Variants in PRPF3 observed in about 807,000 individuals in gnomAD.
PRPF3 encodes the protein U4/U6 small nuclear ribonucleoprotein Prp3.
A neutral mutation model predicts 89.2 loss-of-function variants in PRPF3; 3 were observed. That is an observed-to-expected ratio of 0.03 (90% confidence interval 0.02 to 0.09). The LOEUF (loss-of-function observed/expected upper bound fraction) is 0.09. PRPF3 is among the 10% of genes least tolerant of loss of function. PRPF3 has a pLI of 1.00. For missense variants in PRPF3, 463 were observed against 828.8 expected (o/e 0.56, Z 5.42); for synonymous variants, 270 against 289.1 (o/e 0.93, Z 0.67).
rs587630525 is a variant in PRPF3, at chr1:150,344,294, G to A, written c.1526+33G>A. 6.8e-6 allele frequency: 11 copies of A among 1,613,846 alleles called. No individual in the cohort carries two copies. In the East Asian group the frequency reaches 2.0e-4, roughly 29 times the overall value. ...CCATGGGATTGGGTGGAAACCTCGGGCAAGTACCTTTCCCAAACTCTTCTG... is the reference window on the plus strand; with the variant it reads ...CCATGGGATTGGGTGGAAACCTCGGACAAGTACCTTTCCCAAACTCTTCTG... On this transcript the variant is annotated intron_variant, in intron 11 of 15. Transcript: ENST00000324862.
rs1343713888 is a variant in PRPF3, at chr1:150,327,059, CT to C, written c.276+1189del. Among the ~76,000 whole-genome samples the C allele has an allele frequency of 1.3e-3, 167 of 129,108 alleles. 2 individuals carry two copies. The highest frequency in any genetic ancestry group is 4.1e-3 in the Middle Eastern group (1 of 246). The allele number at this position is 129,108 out of a possible 152,430, so 84.7% of individuals were successfully genotyped here. A position where few individuals can be genotyped will look rare whatever the true frequency, so the allele number is the denominator to read the frequency against. On this transcript the variant is annotated intron_variant, in intron 3 of 15. Coordinates refer to ENST00000324862, the MANE Select transcript of PRPF3 (RefSeq NM_004698.4). ...GATTATGTCACGATAGGGCATACTT[CT>C]TTTTTTTTTTCCTTTTTTTTTTTCT...
At chr1:150,349,104 T>G in intron 14 of PRPF3, 53 bp from the exon 15 acceptor site, 1 of 1,407,444 alleles carries the variant, frequency 7.1e-7, no homozygotes. Context: ...TGAATATTAT[T>G]TGTTTAGAAC....
chr1:150,322,378 CTG>C (rs1445920480), intron 1 of PRPF3, among the ~76,000 whole-genome samples: 1 of 152,212 alleles, frequency 6.6e-6, no homozygotes, highest in South Asian at 2.1e-4. Flanking sequence ...AGATGGTAAA[CTG>C]TGGCTCCAAA....
chr1:150,343,279 C>CT (rs781874142), intron 9 of PRPF3, 30 bp from the exon 10 acceptor site: 1 of 1,493,964 alleles, frequency 6.7e-7, no homozygotes, highest in Non-Finnish European at 9.2e-7. Flanking sequence ...ATTCTTACTG[C>CT]TTTGGTATAC....
chr1:150,334,031 G>A (rs1301083900), intron 6 of PRPF3, among the ~76,000 whole-genome samples: 12 of 152,046 alleles, frequency 7.9e-5, no homozygotes, highest in South Asian at 2.1e-4. Flanking sequence ...TTGGCAGGGC[G>A]CGGTGGCTCA....
At chr1:150,325,167 T>C in intron 2 of PRPF3, 80 bp downstream of exon 2, 1 of 1,523,452 alleles carries the variant, frequency 6.6e-7, no homozygotes, top group Non-Finnish European at 9.0e-7. Flanking sequence ...AAATTCTCTC[T>C]GTTGGGAACA....
chr1:150,325,688 G>C, intron 2 of PRPF3, 63 bp from the exon 3 acceptor site: 1 of 1,583,148 alleles, frequency 6.3e-7, no homozygotes, highest in African/African-American at 1.3e-5. Context: ...ACCTGTTATA[G>C]GCCTAGTATT....
Position 150,343,416 on chromosome 1 carries a change from G to T in PRPF3, c.1390G>T (p.Val464Phe). ...AGCACAGAAGGAACTACAAGAAAAA[G>T]TCAGGCTGGGCCTGATGCCTCCTCC... ...REAQKELQEK[V>F]RLGLMPPPEP... The change falls in exon 10 of 16, where the codon GTC becomes TTC. Residue 464 changes from valine to phenylalanine, a missense_variant. Physicochemically the swap from Val to Phe is conservative, Grantham distance 50. This residue lies in a region of PRPF3 where 261 missense variants were observed against 475.8 expected (regional missense o/e 0.55). Transcript: ENST00000324862. 1 of 1,613,996 alleles carries T rather than the reference G, an allele frequency of 6.2e-7. No homozygotes were observed. The highest frequency in any genetic ancestry group is 8.5e-7 in the Non-Finnish European group (1 of 1,179,926).
chr1:150,336,524 G>A (rs868938970), intron 7 of PRPF3, among the ~76,000 whole-genome samples: 1 of 152,076 alleles, frequency 6.6e-6, no homozygotes, highest in Admixed American at 6.6e-5. Context: ...TTGGGAGGCC[G>A]AGGTGGGTGG....
rs1351461747 is a variant in PRPF3 at position 150,343,247 on chromosome 1, AAATAT to A, written c.1283-60_1283-56del. ...ACAGAGTGAGAGAGAGAAAAAAAAA[AAATAT>A]ATATATATATATATGTATTCTTACT... On this transcript the variant is annotated intron_variant, in intron 9 of 15. Coordinates refer to ENST00000324862, the MANE Select transcript of PRPF3 (RefSeq NM_004698.4). 0.022 allele frequency: 5,518 copies of A among 247,420 alleles called. 170 individuals carry two copies. Among genetic ancestry groups the A allele is most frequent in the African/African-American group, 0.16 (4,087 of 25,420 alleles). The allele number at this position is 247,420 out of a possible 1,614,324, so 15.3% of individuals were successfully genotyped here. A position where few individuals can be genotyped will look rare whatever the true frequency, so the allele number is the denominator to read the frequency against.
chr1:150,336,297 C>A (rs1471002104), intron 7 of PRPF3, among the ~76,000 whole-genome samples: 1 of 151,986 alleles, frequency 6.6e-6, no homozygotes, highest in Non-Finnish European at 1.5e-5. Flanking sequence ...GAATCTCATG[C>A]CACCGATGAT....
intron 9 of PRPF3, among the ~76,000 whole-genome samples, chr1:150,342,247 G>C (rs2102006054): frequency 6.6e-6 from 1 of 151,768 alleles, no homozygotes; most frequent in East Asian, 2.0e-4. Flanking sequence ...AGACGTGGTG[G>C]CGGGTGCCTG....
At chr1:150,326,017 T>C in intron 3 of PRPF3, 136 bp downstream of exon 3, 1 of 1,088,902 alleles carries the variant, frequency 9.2e-7, no homozygotes, top group Non-Finnish European at 1.4e-6. Flanking sequence ...GACATTAGAG[T>C]AGGAGAGATG....
At chr1:150,349,928 TCTTGTTGCC>T (rs1424316184) in intron 15 of PRPF3, among the ~76,000 whole-genome samples, 5 of 151,804 alleles carry the variant, frequency 3.3e-5, no homozygotes, top group Admixed American at 2.6e-4. Context: ...CTCTTGTTGC[TCTTGTTGCC>T]CAGGCTGGAG....
At chr1:150,329,408 T>C (rs1054696693) in intron 4 of PRPF3, among the ~76,000 whole-genome samples, 4 of 152,152 alleles carry the variant, frequency 2.6e-5, no homozygotes, top group Admixed American at 6.6e-5. Flanking sequence ...GTAAGGGTAT[T>C]GAAATTGCCA....
rs190344370 is a variant in PRPF3 at position 150,322,846 on chromosome 1, C to T, written c.-49+1254C>T. ...AATAGCTGAGCTTGGAAATTGAGGT[C>T]AGTCAATTTATTGACTCCCATTTAG... On this transcript the variant is annotated intron_variant, in intron 1 of 15. Coordinates refer to ENST00000324862, the MANE Select transcript of PRPF3 (RefSeq NM_004698.4). Among the ~76,000 whole-genome samples, 40 of 149,924 alleles carry T rather than the reference C, an allele frequency of 2.7e-4. 1 individual carries two copies. The East Asian group carries it at 7.5e-3, about 28-fold the overall frequency.
intron 12 of PRPF3, among the ~76,000 whole-genome samples, chr1:150,345,301 C>T (rs1390203014): frequency 6.6e-6 from 1 of 151,922 alleles, no homozygotes; most frequent in African/African-American, 2.4e-5. Flanking sequence ...CACATATCCT[C>T]CTAGAAAATT....
chr1:150,329,037 C>CCCTTTTTTT (rs1656036094), intron 4 of PRPF3, among the ~76,000 whole-genome samples: 1 of 140,484 alleles, frequency 7.1e-6, no homozygotes. Flanking sequence ...TTGGGGTAAA[C>CCCTTTTTTT]TTTTTTTTTT....
chr1:150,329,072 C>G (rs996678368), intron 4 of PRPF3, among the ~76,000 whole-genome samples: 3 of 141,606 alleles, frequency 2.1e-5, no homozygotes, highest in African/African-American at 7.9e-5. Flanking sequence ...CTCTGTTGCC[C>G]ATGCTGGAGT....
Sources: gnomAD v4.1 joint callset for allele counts (sites outside exome capture counted in the v4.1 genomes callset) on GRCh38, gnomAD v4.1.1 for gene constraint, gnomAD v4.1.1 regional missense constraint, MANE v1.5 for transcripts, NCBI Gene and HGNC (gene_info 2026-07-23, HGNC 2026-07-21) for gene names.